BICD2: variants seen among roughly 807,000 people sequenced by gnomAD.
BICD2 encodes protein bicaudal D homolog 2.
A neutral mutation model predicts 72.9 loss-of-function variants in BICD2; 25 were observed. The observed-to-expected ratio is 0.34, with a 90% CI of 0.25 to 0.48. BICD2 has a LOEUF of 0.48. Ranked by LOEUF, BICD2 falls within the 20% of genes least tolerant of loss-of-function variation. The probability of loss-of-function intolerance (pLI) is 0.99; values close to 1 mark genes in which losing one functional copy is unlikely to be tolerated. For synonymous variants in BICD2, 501 were observed against 516.1 expected (o/e 0.97, Z 0.40); for missense variants, 894 against 1,175.2 (o/e 0.76, Z 3.50).
In BICD2 at chr9:92,714,757, G is replaced by A. The variant is rs954252202; in HGVS notation, c.*397C>T. 23 of 1,014,434 alleles carry A rather than the reference G, an allele frequency of 2.3e-5. No individual in the cohort carries two copies. Among genetic ancestry groups the A allele is most frequent in the African/African-American group, 8.6e-5 (5 of 58,320 alleles). The allele number at this position is 1,014,434 out of a possible 1,614,324, so 62.8% of individuals were successfully genotyped here. A position where few individuals can be genotyped will look rare whatever the true frequency, so the allele number is the denominator to read the frequency against. On this transcript the variant is annotated 3_prime_UTR_variant, in exon 7 of 7. Coordinates refer to ENST00000356884, the MANE Select transcript of BICD2 (RefSeq NM_001003800.2). ...TCTAGTGCTGACATTAGACACATGCGAGGAACATGCAAGTCTCAACTCAGG... is the reference window on the plus strand; with the variant it reads ...TCTAGTGCTGACATTAGACACATGCAAGGAACATGCAAGTCTCAACTCAGG...
Position 92,719,174 on chromosome 9 carries a change from C to A in BICD2, c.1471G>T (p.Ala491Ser), listed in dbSNP as rs770633796. Residue 491 changes from alanine to serine, a missense_variant, in exon 5 of 7, where the codon GCC (alanine) becomes TCC (serine). Coordinates refer to ENST00000356884, the MANE Select transcript of BICD2 (RefSeq NM_001003800.2). Reference protein sequence around the residue: ...LTEKVSLLEKASRQDRELLAR... With the variant: ...LTEKVSLLEKSSRQDRELLAR... ...AGCAGCTCGCGGTCCTGGCGGCTGG[C>A]CTTCTCTAGCAGGGAGACCTTCTCC... is the stretch of plus-strand genomic sequence containing the variant. 1.2e-6 allele frequency: 2 copies of A among 1,610,886 alleles called. No homozygotes were observed. The highest frequency in any genetic ancestry group is 3.3e-5 in the Admixed American group (2 of 60,032).
rs376220375 is a variant in BICD2, at chr9:92,719,276, G to A, written c.1369C>T (p.Arg457Cys). The A allele has an allele frequency of 2.0e-5, 32 of 1,613,626 alleles. No individual in the cohort carries two copies. The highest frequency in any genetic ancestry group is 3.3e-5 in the Admixed American group (2 of 60,008). ...GCCTCACGAGCCTCGTGCGTGCTGCGCAGTGCCTTGAGCTGCTCGCGGAGC... is the reference window on the plus strand; with the variant it reads ...GCCTCACGAGCCTCGTGCGTGCTGCACAGTGCCTTGAGCTGCTCGCGGAGC... ...GELREQLKAL[R>C]STHEAREAQH... The change falls in exon 5 of 7, where the codon CGC becomes TGC. Residue 457 changes from arginine to cysteine, a missense_variant. Coordinates refer to ENST00000356884, the MANE Select transcript of BICD2 (RefSeq NM_001003800.2).
At position 92,719,030 on chromosome 9, in the gene BICD2, G is replaced by A. The variant is rs1361714428; in HGVS notation, c.1615C>T (p.His539Tyr). 1 of 1,612,538 alleles carries A rather than the reference G, an allele frequency of 6.2e-7. No homozygotes were observed. Among genetic ancestry groups the A allele is most frequent in the Non-Finnish European group, 8.5e-7 (1 of 1,179,976 alleles). ...TFSEELANLY[H>Y]HVCMCNNETP... ...TCATTGTTGCACATGCACACGTGGTGGTAGAGATTGGCCAGCTCCTCACTG... is the reference window on the plus strand; with the variant it reads ...TCATTGTTGCACATGCACACGTGGTAGTAGAGATTGGCCAGCTCCTCACTG... The change falls in exon 5 of 7, where the codon CAC (histidine) becomes TAC (tyrosine). Residue 539 changes from histidine to tyrosine, a missense_variant. His to Tyr is a moderately conservative substitution (Grantham distance 83, BLOSUM62 2). This residue lies in a region of BICD2 where 5 missense variants were observed against 24.1 expected (regional missense o/e 0.21). Transcript: ENST00000356884.
chr9:92,751,720 T>C (rs1163131009), intron 1 of BICD2, among the ~76,000 whole-genome samples: 1 of 152,114 alleles, frequency 6.6e-6, no homozygotes, highest in Non-Finnish European at 1.5e-5. Context: ...AGTTCTTACA[T>C]CAGTATGAAC....
chr9:92,741,801 G>C (rs1006049072), intron 1 of BICD2, among the ~76,000 whole-genome samples: 4 of 152,146 alleles, frequency 2.6e-5, no homozygotes, highest in Non-Finnish European at 5.9e-5. Flanking sequence ...AGAAAAAAGC[G>C]TACTGCTAAA....
rs746342629 is a variant in BICD2, at chr9:92,713,484, C to T, written c.*1670G>A. On this transcript the variant is annotated 3_prime_UTR_variant, in exon 7 of 7. Coordinates refer to ENST00000356884, the MANE Select transcript of BICD2 (RefSeq NM_001003800.2). ...CAGCTGAAAACGGGAGAAAAGAGAG[C>T]GTTAGAAAGCGGTCATCTGTCGCTT... 19 of 1,586,060 alleles carry T rather than the reference C, an allele frequency of 1.2e-5. No homozygotes were observed. Among genetic ancestry groups the T allele is most frequent in the Admixed American group, 1.7e-5 (1 of 57,154 alleles).
At chr9:92,728,663 G>A (rs1027430512) in intron 2 of BICD2, among the ~76,000 whole-genome samples, 13 of 152,224 alleles carry the variant, frequency 8.5e-5, no homozygotes, top group African/African-American at 2.9e-4. Context: ...AGGGCAGGGG[G>A]GAGTCCAATG....
At chr9:92,730,675 G>A (rs952181233) in intron 1 of BICD2, among the ~76,000 whole-genome samples, 6 of 152,160 alleles carry the variant, frequency 3.9e-5, no homozygotes, top group African/African-American at 1.4e-4. Context: ...TGTGTGTCTC[G>A]TGGTGTTGCG....
intron 1 of BICD2, among the ~76,000 whole-genome samples, chr9:92,763,409 C>T (rs148102447): frequency 8.5e-5 from 13 of 152,294 alleles, no homozygotes; most frequent in Non-Finnish European, 1.8e-4. Flanking sequence ...CCTGACCGCA[C>T]ACCAGTCCTT....
At chr9:92,746,080 T>A (rs1854007218) in intron 1 of BICD2, among the ~76,000 whole-genome samples, 1 of 152,160 alleles carries the variant, frequency 6.6e-6, no homozygotes, top group Non-Finnish European at 1.5e-5. Flanking sequence ...TTCCCACAAT[T>A]TATGGAGATC....
chr9:92,756,878 A>G (rs1190994118), intron 1 of BICD2, among the ~76,000 whole-genome samples: 2 of 150,450 alleles, frequency 1.3e-5, no homozygotes, highest in Non-Finnish European at 3.0e-5. Flanking sequence ...AAAAAAAAAA[A>G]AGGAAATAAA....
rs371707778 is a variant in BICD2, at chr9:92,717,947, G to A, written c.2108C>T (p.Thr703Met). The A allele has an allele frequency of 1.2e-6, 2 of 1,612,766 alleles. No homozygotes were observed. The highest frequency in any genetic ancestry group is 1.3e-5 in the African/African-American group (1 of 74,900). The change falls in exon 6 of 7, where the codon ACG (threonine) becomes ATG (methionine). Residue 703 changes from threonine (T) to methionine (M), a missense_variant and splice_region_variant. Transcript: ENST00000356884. ...LRTVLKANKQ[T>M]AEVALANLKS... ...CAGGTTGGCAAGGGCCACCTCGGCC[G>A]TCTGGGGGACAGATGTGTAGGGTGG...
rs768918778 is a variant in BICD2 at position 92,718,759 on chromosome 9, T to C, written c.1886A>G (p.Asn629Ser). ...DPRREPMNIY[N>S]LIAIIRDQIK... ...CTGGTCACGGATGATAGCGATCAGGTTGTAGATGTTCATGGGCTCCCGGCG... is the reference window on the plus strand; with the variant it reads ...CTGGTCACGGATGATAGCGATCAGGCTGTAGATGTTCATGGGCTCCCGGCG... The change falls in exon 5 of 7, where the codon AAC becomes AGC. Residue 629 changes from asparagine to serine, a missense_variant. Asn to Ser is a conservative substitution (Grantham distance 46, BLOSUM62 1). Transcript: ENST00000356884. 2.5e-6 allele frequency: 4 copies of C among 1,613,760 alleles called. No individual in the cohort carries two copies. The highest frequency in any genetic ancestry group is 2.2e-5 in the East Asian group (1 of 44,856).
intron 2 of BICD2, among the ~76,000 whole-genome samples, chr9:92,723,577 C>T (rs72756498): frequency 0.04 from 6,033 of 152,220 alleles, 182 homozygotes; most frequent in South Asian, 0.11. Context: ...TGGGGAGTGA[C>T]TGAAATGGGT....
chr9:92,736,287 G>A (rs1444135006), intron 1 of BICD2, among the ~76,000 whole-genome samples: 1 of 152,200 alleles, frequency 6.6e-6, no homozygotes, highest in Non-Finnish European at 1.5e-5. Context: ...TGTCCTCACT[G>A]CTCATTATAT....
chr9:92,752,339 A>AC (rs1854167891), intron 1 of BICD2, among the ~76,000 whole-genome samples: 1 of 152,186 alleles, frequency 6.6e-6, no homozygotes, highest in Admixed American at 6.5e-5. Context: ...CACTTTAAAA[A>AC]AAAAAAAAGA....
chr9:92,755,145 C>G (rs1854229510), intron 1 of BICD2, among the ~76,000 whole-genome samples: 1 of 152,222 alleles, frequency 6.6e-6, no homozygotes. Flanking sequence ...TGGGGCATAC[C>G]TGTCTCTTAT....
At chr9:92,728,240 G>A (rs1587674997) in intron 2 of BICD2, among the ~76,000 whole-genome samples, 1 of 152,256 alleles carries the variant, frequency 6.6e-6, no homozygotes, top group African/African-American at 2.4e-5. Context: ...CAGGGCCTTA[G>A]TGTCAGGGCC....
At chr9:92,717,508 C>T (rs947831344) in intron 6 of BICD2, among the ~76,000 whole-genome samples, 2 of 152,240 alleles carry the variant, frequency 1.3e-5, no homozygotes, top group African/African-American at 4.8e-5. Flanking sequence ...GCTTGCGTGA[C>T]CTCGGAGGAA....
Sources: gnomAD v4.1 joint callset for allele counts (sites outside exome capture counted in the v4.1 genomes callset) on GRCh38, gnomAD v4.1.1 for gene constraint, gnomAD v4.1.1 regional missense constraint, MANE v1.5 for transcripts, NCBI Gene and HGNC (gene_info 2026-07-23, HGNC 2026-07-21) for gene names.